PRUNE2: variants seen among roughly 807,000 people sequenced by gnomAD.
PRUNE2 encodes the protein protein prune homolog 2.
A neutral mutation model predicts 252.0 loss-of-function variants in PRUNE2; 164 were observed. The ratio of observed to expected loss-of-function variants is 0.65; its 90% CI spans 0.57 to 0.74. The LOEUF is 0.74. Ranked by LOEUF, PRUNE2 falls within the 30% of genes least tolerant of loss-of-function variation. The pLI is 0.00. For missense variants in PRUNE2, 3,495 were observed against 3,711.0 expected (o/e 0.94, Z 1.51); for synonymous variants, 1,292 against 1,350.2 (o/e 0.96, Z 0.94).
chr9:76,876,515 C>A (rs114969910), intron 1 of PRUNE2, among the ~76,000 whole-genome samples: 3,324 of 152,176 alleles, frequency 0.022, 112 homozygotes, highest in African/African-American at 0.077. Context: ...TTTTCTCTTT[C>A]TTTCCCTTGA....
intron 9 of PRUNE2, 94 bp downstream of exon 9, chr9:76,703,243 A>G (rs1042549388): frequency 2.4e-5 from 27 of 1,116,922 alleles, no homozygotes; most frequent in Non-Finnish European, 3.4e-5. Context: ...GCTATCATCC[A>G]GGTATTCCTC....
intron 6 of PRUNE2, among the ~76,000 whole-genome samples, chr9:76,790,739 G>T (rs1490830254): frequency 6.6e-6 from 1 of 152,110 alleles, no homozygotes; most frequent in East Asian, 1.9e-4. Context: ...AATGATGCTG[G>T]GTTTCCCATC....
At chr9:76,767,529 C>T (rs141423223) in intron 6 of PRUNE2, among the ~76,000 whole-genome samples, 43 of 152,100 alleles carry the variant, frequency 2.8e-4, no homozygotes, top group African/African-American at 9.6e-4. Context: ...CCCTTGACTC[C>T]ATTGATCACC....
chr9:76,710,369 G>A lies in PRUNE2; in HGVS notation c.1905C>T (p.Thr635=), dbSNP rs1337982034. The A allele has an allele frequency of 6.2e-7, 1 of 1,613,908 alleles. No homozygotes were observed. The highest frequency in any genetic ancestry group is 8.5e-7 in the Non-Finnish European group (1 of 1,179,872). The part of the protein sequence containing the change: ...EPASLYTEDM[T]QKATDTGHMG... Reference sequence around the variant, plus strand: ...TGTGACCTGTGTCAGTTGCTTTTTGGGTCATATCTTCTGTATAGAGTGAGG... The same window carrying A: ...TGTGACCTGTGTCAGTTGCTTTTTGAGTCATATCTTCTGTATAGAGTGAGG... Residue 635 remains threonine, a synonymous_variant, in exon 8 of 19, where the codon ACC becomes ACT. Transcript: ENST00000376718.
intron 6 of PRUNE2, chr9:76,739,589 A>G (rs2049393733): frequency 6.6e-6 from 1 of 151,942 alleles, no homozygotes. Context: ...AATGTATACT[A>G]TGAATCAACC....
chr9:76,737,133 T>C (rs911521089), intron 6 of PRUNE2: 2 of 152,214 alleles, frequency 1.3e-5, no homozygotes, highest in African/African-American at 4.8e-5. Context: ...CTAAGAAATG[T>C]GCTCAATTGT....
At chr9:76,651,093 A>C (rs554981406) in intron 11 of PRUNE2, among the ~76,000 whole-genome samples, 1 of 152,154 alleles carries the variant, frequency 6.6e-6, no homozygotes, top group Non-Finnish European at 1.5e-5. Context: ...ATTTCAACCT[A>C]CAGAATCAAC....
In PRUNE2 at chr9:76,652,634, C is replaced by T. The variant is rs1847864591; in HGVS notation, c.8406G>A (p.Lys2802=). ...AAAGATTGATATTTGGGGCTGTGAG[C>T]TTGATTCTCCGAGGATGAGTGTCAT... The part of the protein sequence containing the change: ...DLNDTHPRRI[K]LTAPNINLSL... Residue 2802 remains lysine (K), a synonymous_variant, in exon 11 of 19, where the codon AAG becomes AAA. Transcript: ENST00000376718. 2 of 1,613,020 alleles carry T rather than the reference C, an allele frequency of 1.2e-6. No homozygotes were observed. The highest frequency in any genetic ancestry group is 1.1e-5 in the South Asian group (1 of 91,050).
intron 6 of PRUNE2, among the ~76,000 whole-genome samples, chr9:76,816,023 G>A (rs1040535657): frequency 2.0e-5 from 3 of 151,962 alleles, no homozygotes; most frequent in African/African-American, 4.8e-5. Context: ...TTAGCTGGTC[G>A]TGGTGGCGGG....
At chr9:76,722,334 T>C (rs4745574) in intron 6 of PRUNE2, among the ~76,000 whole-genome samples, 106,835 of 151,470 alleles carry the variant, frequency 0.71, 38,205 homozygotes, top group East Asian at 0.91. Context: ...CCTCCCAAAG[T>C]GCTAGAATTA....
At chr9:76,797,038 T>TACGCGCACACACACACAC (rs71309258) in intron 6 of PRUNE2, among the ~76,000 whole-genome samples, 5 of 151,640 alleles carry the variant, frequency 3.3e-5, no homozygotes, top group African/African-American at 1.2e-4. Flanking sequence ...CACTCACACA[T>TACGCGCACACACACACAC]ACACACACAC....
At chr9:76,895,531 T>G (rs1159607889) in intron 1 of PRUNE2, among the ~76,000 whole-genome samples, 1 of 152,184 alleles carries the variant, frequency 6.6e-6, no homozygotes, top group Non-Finnish European at 1.5e-5. Context: ...TTCTATTTTT[T>G]TCTATGTTAA....
chr9:76,847,082 T>C (rs569336528), intron 3 of PRUNE2, among the ~76,000 whole-genome samples: 1 of 152,258 alleles, frequency 6.6e-6, no homozygotes, highest in African/African-American at 2.4e-5. Context: ...ATCTCAGCAC[T>C]TTGGGAGGCC....
chr9:76,811,929 G>C (rs549902868), intron 6 of PRUNE2, among the ~76,000 whole-genome samples: 7 of 152,352 alleles, frequency 4.6e-5, no homozygotes, highest in Admixed American at 3.9e-4. Flanking sequence ...TAGCCGTGAA[G>C]AATGGCGCTG....
intron 4 of PRUNE2, among the ~76,000 whole-genome samples, chr9:76,833,969 G>A (rs1300166896): frequency 3.9e-4 from 58 of 148,054 alleles, no homozygotes; most frequent in Admixed American, 2.6e-3. Flanking sequence ...TGCAACTTCC[G>A]CCTCCCAAGT....
At chr9:76,729,505 A>T (rs934375990) in intron 6 of PRUNE2, among the ~76,000 whole-genome samples, 1 of 152,196 alleles carries the variant, frequency 6.6e-6, no homozygotes, top group Admixed American at 6.5e-5. Flanking sequence ...AAGGTATAAA[A>T]TTCTTGCTTC....
At chr9:76,847,637 C>T (rs1049659917) in intron 3 of PRUNE2, among the ~76,000 whole-genome samples, 2 of 152,136 alleles carry the variant, frequency 1.3e-5, no homozygotes, top group African/African-American at 4.8e-5. Context: ...ATTTTCCTTC[C>T]ACCATTATTC....
In PRUNE2 at chr9:76,707,776, C is replaced by A. The variant is rs368277272; in HGVS notation, c.4498G>T (p.Val1500Leu). The part of the protein sequence containing the change: ...DFGDVPIDSD[V>L]HVSSTCSEIT... ...TCAGAACATGTGCTGCTGACATGCA[C>A]ATCACTGTCTATAGGGACGTCCCCA... The change falls in exon 8 of 19, where the codon GTG becomes TTG. Residue 1500 changes from valine (V) to leucine (L), a missense_variant. By Grantham distance (32) the Val-to-Leu change is conservative. Coordinates refer to ENST00000376718, the MANE Select transcript of PRUNE2 (RefSeq NM_015225.3). The A allele has an allele frequency of 2.5e-6, 4 of 1,613,528 alleles. No homozygotes were observed. The highest frequency in any genetic ancestry group is 3.4e-6 in the Non-Finnish European group (4 of 1,179,660).
intron 4 of PRUNE2, among the ~76,000 whole-genome samples, chr9:76,836,129 A>G (rs1387834474): frequency 6.6e-6 from 1 of 152,102 alleles, no homozygotes; most frequent in Admixed American, 6.6e-5. Flanking sequence ...ACAAATGTGC[A>G]CGCATACAAT....
Sources: allele counts gnomAD v4.1 joint callset (sites outside exome capture counted in the v4.1 genomes callset), GRCh38; gene constraint gnomAD v4.1.1; transcripts MANE v1.5; gene names NCBI Gene and HGNC (gene_info 2026-07-23, HGNC 2026-07-21).